TENM3: variants seen among roughly 807,000 people sequenced by gnomAD.
The protein encoded by TENM3 is teneurin transmembrane protein 3.
A neutral mutation model predicts 255.1 loss-of-function variants in TENM3; 63 were observed. The ratio of observed to expected loss-of-function variants is 0.25; its 90% CI spans 0.20 to 0.30. The LOEUF (loss-of-function observed/expected upper bound fraction) is 0.30, where lower values mean the gene tolerates loss of function less well. Ranked by LOEUF, TENM3 falls within the 10% of genes least tolerant of loss-of-function variation. The pLI, the probability that TENM3 is intolerant of heterozygous loss-of-function variation, is 1.00. For synonymous variants in TENM3, 1,306 were observed against 1,322.3 expected, an observed-to-expected ratio of 0.99 and a Z score of 0.27; for missense variants, 2,929 against 3,461.1, an observed-to-expected ratio of 0.85 and a Z score of 3.86.
At chr4:181,500,410 C>A in the TENM3 span, among the ~76,000 whole-genome samples, 1 of 151,668 alleles carries the variant, frequency 6.6e-6, no homozygotes, top group Non-Finnish European at 1.5e-5. Context: ...GGAGGCTGGA[C>A]ACAGGGAACA....
chr4:182,467,225 T>C (rs1042282526), intron 3 of TENM3, among the ~76,000 whole-genome samples: 8 of 152,156 alleles, frequency 5.3e-5, no homozygotes, highest in African/African-American at 1.9e-4. Context: ...ATAATAAACT[T>C]TATGTGAGTA....
intron 3 of TENM3, among the ~76,000 whole-genome samples, chr4:182,475,501 CG>C: frequency 6.6e-6 from 1 of 151,632 alleles, no homozygotes; most frequent in Non-Finnish European, 1.5e-5. Flanking sequence ...TCATTGATGA[CG>C]GGGGTGTGTT....
At chr4:181,987,791 T>G in the TENM3 span, among the ~76,000 whole-genome samples, 2 of 149,724 alleles carry the variant, frequency 1.3e-5, no homozygotes, top group Admixed American at 6.8e-5. Context: ...TAGAGAGAGA[T>G]ATCTTTTCTT....
the TENM3 span, among the ~76,000 whole-genome samples, chr4:181,452,577 A>C: frequency 6.6e-6 from 1 of 152,258 alleles, no homozygotes; most frequent in African/African-American, 2.4e-5. Flanking sequence ...CCATGATTGT[A>C]AGTTTCCTGA....
the TENM3 span, among the ~76,000 whole-genome samples, chr4:181,724,027 G>A: frequency 7.2e-5 from 11 of 152,198 alleles, no homozygotes; most frequent in Non-Finnish European, 1.6e-4. Flanking sequence ...ATGAGCAGAT[G>A]TGCCAGCAGG....
Position 182,753,546 on chromosome 4 carries a change from C to G in TENM3, c.3959C>G (p.Ser1320Cys), listed in dbSNP as rs192655632. 5.0e-6 allele frequency: 8 copies of G among 1,613,950 alleles called. No individual in the cohort carries two copies. The African/African-American group carries it at 9.3e-5, about 19-fold the overall frequency. Residue 1320 changes from serine to cysteine, a missense_variant, in exon 21 of 28, where the codon TCT becomes TGT. By Grantham distance (112) the Ser-to-Cys change is moderately radical. Coordinates refer to ENST00000511685, the MANE Select transcript of TENM3 (RefSeq NM_001080477.4). ...GGAATCATATCAACTCTTCTGGGCT[C>G]TAACGATTTGACTTCAGCCAGACCT... is the stretch of plus-strand genomic sequence containing the variant. ...QNGIISTLLG[S>C]NDLTSARPLT...
At chr4:181,765,461 A>G in the TENM3 span, among the ~76,000 whole-genome samples, 2 of 152,218 alleles carry the variant, frequency 1.3e-5, no homozygotes, top group South Asian at 2.1e-4. Flanking sequence ...ACAACCCGCT[A>G]TGAATCTCTG....
intron 19 of TENM3, among the ~76,000 whole-genome samples, chr4:182,746,566 C>T (rs1762026824): frequency 6.6e-6 from 1 of 152,096 alleles, no homozygotes; most frequent in Non-Finnish European, 1.5e-5. Flanking sequence ...AGGAATTATT[C>T]TCTCCTATAG....
chr4:182,507,257 T>A (rs1736932050), intron 3 of TENM3, among the ~76,000 whole-genome samples: 1 of 152,234 alleles, frequency 6.6e-6, no homozygotes, highest in African/African-American at 2.4e-5. Context: ...TTTTCTTCCA[T>A]CATTATGTCT....
the TENM3 span, among the ~76,000 whole-genome samples, chr4:182,003,036 T>C: frequency 1.3e-5 from 2 of 152,048 alleles, no homozygotes; most frequent in Non-Finnish European, 2.9e-5. Context: ...TATTGATCAT[T>C]TTTTTAATTG....
intron 1 of TENM3, among the ~76,000 whole-genome samples, chr4:182,272,236 C>T (rs1759689685): frequency 6.6e-6 from 1 of 152,184 alleles, no homozygotes; most frequent in South Asian, 2.1e-4. Flanking sequence ...TCATTAATCT[C>T]AATCCTCCAC....
chr4:182,663,748 C>CA (rs1425353544), intron 6 of TENM3, among the ~76,000 whole-genome samples: 3 of 152,050 alleles, frequency 2.0e-5, no homozygotes, highest in Non-Finnish European at 4.4e-5. Flanking sequence ...AGTCATATGT[C>CA]AAAAATCACA....
At position 182,679,889 on chromosome 4, in the gene TENM3, T is replaced by C. The variant is rs1755999632; in HGVS notation, c.1537+13T>C. ...ACCATTGTTATAGGTAAGAATAGTC[T>C]TCAAAGCAGCATTTTCCAGGCTATA... On this transcript the variant is annotated intron_variant, in intron 8 of 27. Coordinates refer to ENST00000511685, the MANE Select transcript of TENM3 (RefSeq NM_001080477.4). 3.8e-6 allele frequency: 6 copies of C among 1,590,136 alleles called. No individual in the cohort carries two copies. The highest frequency in any genetic ancestry group is 5.1e-6 in the Non-Finnish European group (6 of 1,165,894).
At chr4:182,244,006 T>TAC (rs1481518330) in intron 1 of TENM3, among the ~76,000 whole-genome samples, 6 of 138,278 alleles carry the variant, frequency 4.3e-5, no homozygotes, top group African/African-American at 5.7e-5. Flanking sequence ...CAGGCTGGAG[T>TAC]GCAGTGGCGT....
chr4:182,072,831 T>C, the TENM3 span, among the ~76,000 whole-genome samples: 1 of 152,178 alleles, frequency 6.6e-6, no homozygotes, highest in Non-Finnish European at 1.5e-5. Context: ...TGCCGTGGAC[T>C]GAGTTGTGCT....
At chr4:182,083,487 T>G in the TENM3 span, among the ~76,000 whole-genome samples, 1 of 152,220 alleles carries the variant, frequency 6.6e-6, no homozygotes, top group South Asian at 2.1e-4. Flanking sequence ...ATTTTTTATT[T>G]TTTTTCAGTC....
chr4:181,612,914 G>T, the TENM3 span, among the ~76,000 whole-genome samples: 1 of 152,118 alleles, frequency 6.6e-6, no homozygotes, highest in African/African-American at 2.4e-5. Context: ...ATCCTGTGTT[G>T]CCAGGATAAG....
At chr4:182,384,026 C>T (rs1180791086) in intron 3 of TENM3, among the ~76,000 whole-genome samples, 1 of 152,192 alleles carries the variant, frequency 6.6e-6, no homozygotes, top group African/African-American at 2.4e-5. Flanking sequence ...GTTTTGGGCA[C>T]TTCCCTCTCC....
the TENM3 span, among the ~76,000 whole-genome samples, chr4:181,783,495 T>C: frequency 6.6e-6 from 1 of 152,170 alleles, no homozygotes; most frequent in African/African-American, 2.4e-5. Flanking sequence ...TTCACATTAT[T>C]TTTTCTTTTC....
Sources: allele counts gnomAD v4.1 joint callset (sites outside exome capture counted in the v4.1 genomes callset), GRCh38; gene constraint gnomAD v4.1.1; transcripts MANE v1.5; gene names NCBI Gene and HGNC (gene_info 2026-07-23, HGNC 2026-07-21).